Variants in TP63 observed in about 807,000 individuals in gnomAD.
TP63 encodes tumor protein p63, also known as tumor protein 63.
In TP63, 17 loss-of-function variants were observed where a neutral mutation model predicts 82.8. That is an observed-to-expected ratio of 0.21 (90% CI 0.14 to 0.31). TP63 has a LOEUF of 0.31. Ranked by LOEUF, TP63 falls within the 10% of genes least tolerant of loss-of-function variation. The probability of loss-of-function intolerance (pLI) is 1.00; values close to 1 mark genes in which losing one functional copy is unlikely to be tolerated. For missense variants in TP63, 648 were observed against 895.3 expected (o/e 0.72, Z 3.52); for synonymous variants, 330 against 321.7 (o/e 1.03, Z -0.28).
At position 189,676,641 on chromosome 3, in the gene TP63, T is replaced by C. The variant is rs533773067; in HGVS notation, c.62+45064T>C. Among the ~76,000 whole-genome samples the C allele has an allele frequency of 1.6e-4, 24 of 152,092 alleles. No homozygotes were observed. In the East Asian group the frequency reaches 4.6e-3, roughly 29 times the overall value. ...GTACACGTGGTACAGTTGTGTTACA[T>C]GGATACATTGGATAGTAGTGAAGTG... On this transcript the variant is annotated intron_variant, in intron 1 of 13. Transcript: ENST00000264731.
chr3:189,828,633 A>G (rs1405076628), intron 4 of TP63, among the ~76,000 whole-genome samples: 1 of 152,214 alleles, frequency 6.6e-6, no homozygotes, highest in African/African-American at 2.4e-5. Flanking sequence ...GCCTTGCACT[A>G]GAAATGTTTG....
rs571388036 is a variant in TP63 at position 189,757,586 on chromosome 3, A to G, written c.324+18812A>G. 3.3e-5 allele frequency among the ~76,000 whole-genome samples: 5 copies of G among 152,320 alleles called. No homozygotes were observed. In the South Asian group the frequency reaches 1.0e-3, roughly 32 times the overall value. ...GGAAACAGTGAATTATTAATCCTAA[A>G]TAGAGCAATTACTGATGCAGGACAA... On this transcript the variant is annotated intron_variant, in intron 3 of 13. Transcript: ENST00000264731.
At chr3:189,863,172 C>T (rs964395178) in intron 4 of TP63, among the ~76,000 whole-genome samples, 1 of 152,140 alleles carries the variant, frequency 6.6e-6, no homozygotes, top group Non-Finnish European at 1.5e-5. Flanking sequence ...ACGATTGCAA[C>T]CTGTGTGTGT....
At chr3:189,702,738 T>C (rs1450004756) in intron 1 of TP63, among the ~76,000 whole-genome samples, 2 of 152,200 alleles carry the variant, frequency 1.3e-5, no homozygotes, top group African/African-American at 4.8e-5. Context: ...TGAATTTGAG[T>C]TTTACCTCTG....
At chr3:189,837,426 A>G (rs1713315915) in intron 4 of TP63, among the ~76,000 whole-genome samples, 1 of 152,182 alleles carries the variant, frequency 6.6e-6, no homozygotes, top group Non-Finnish European at 1.5e-5. Context: ...GAAATTTCCA[A>G]TTTCAGGTTC....
At chr3:189,805,778 T>C (rs1726819841) in intron 3 of TP63, among the ~76,000 whole-genome samples, 1 of 152,186 alleles carries the variant, frequency 6.6e-6, no homozygotes, top group Non-Finnish European at 1.5e-5. Flanking sequence ...AACAAAACAA[T>C]GGCAGGATTT....
chr3:189,657,857 G>T (rs1240429789), intron 1 of TP63, among the ~76,000 whole-genome samples: 1 of 152,056 alleles, frequency 6.6e-6, no homozygotes, highest in Non-Finnish European at 1.5e-5. Context: ...CCTCGGAGGA[G>T]TGATGTCCCA....
chr3:189,747,347 G>A (rs1207738083), intron 3 of TP63, among the ~76,000 whole-genome samples: 5 of 151,918 alleles, frequency 3.3e-5, no homozygotes, highest in Non-Finnish European at 2.9e-5. Flanking sequence ...CATATATTAG[G>A]ACACAAAATA....
rs1720946792 is a variant in TP63, at chr3:189,890,858, T to C, written c.1722T>C (p.Tyr574=). The stretch of plus-strand genomic sequence containing the variant: ...CGACCCAGGGGCTGACCACCATCTA[T>C]CAGATTGAGCATTACTCCATGGATG... ...YFTTQGLTTI[Y]QIEHYSMDDL... The change falls in exon 13 of 14, where the codon TAT becomes TAC. Residue 574 remains tyrosine, a synonymous_variant. Transcript: ENST00000264731. The C allele has an allele frequency of 6.2e-7, 1 of 1,614,094 alleles. No homozygotes were observed. Among genetic ancestry groups the C allele is most frequent in the African/African-American group, 1.3e-5 (1 of 75,050 alleles).
intron 1 of TP63, among the ~76,000 whole-genome samples, chr3:189,639,741 G>A (rs762490134): frequency 2.0e-5 from 3 of 152,040 alleles, no homozygotes; most frequent in South Asian, 2.1e-4. Context: ...CGAAGCTAGC[G>A]TGATTATTTA....
intron 1 of TP63, among the ~76,000 whole-genome samples, chr3:189,652,826 G>GTTTTCATGAGATCTGAT (rs1305226745): frequency 6.8e-6 from 1 of 146,654 alleles, no homozygotes; most frequent in Non-Finnish European, 1.5e-5. Context: ...GTTTTATAAA[G>GTTTTCATGAGATCTGAT]GGTTTGCCAC....
chr3:189,869,007 A>T (rs1385842588), intron 8 of TP63, among the ~76,000 whole-genome samples: 1 of 146,160 alleles, frequency 6.8e-6, no homozygotes, highest in Non-Finnish European at 1.6e-5. Context: ...ACACACCAGC[A>T]AGATACGGGC....
In TP63 at chr3:189,858,608, C is replaced by T. The variant is rs138534496; in HGVS notation, c.580-5624C>T. On this transcript the variant is annotated intron_variant, in intron 4 of 13. Transcript: ENST00000264731. ...TGGGCAAAATAGTGAGACCCCATCT[C>T]TACAAAAAACATACACCAAAATTAG... Among the ~76,000 whole-genome samples the T allele has an allele frequency of 1.5e-3, 234 of 152,104 alleles. 1 individual carries two copies. Among genetic ancestry groups the T allele is most frequent in the African/African-American group, 3.9e-3 (162 of 41,512 alleles).
At chr3:189,632,493 C>T (rs781369317) in intron 1 of TP63, among the ~76,000 whole-genome samples, 1 of 152,090 alleles carries the variant, frequency 6.6e-6, no homozygotes, top group Non-Finnish European at 1.5e-5. Flanking sequence ...CTTCCTTTAA[C>T]GTGATTTGCT....
chr3:189,779,208 C>T (rs1363263213), intron 3 of TP63, among the ~76,000 whole-genome samples: 1 of 152,190 alleles, frequency 6.6e-6, no homozygotes, highest in Non-Finnish European at 1.5e-5. Context: ...TTTTAAAATG[C>T]ATCACTCCTC....
intron 3 of TP63, among the ~76,000 whole-genome samples, chr3:189,760,377 G>A (rs995510628): frequency 6.6e-6 from 1 of 152,156 alleles, no homozygotes; most frequent in Non-Finnish European, 1.5e-5. Flanking sequence ...GGTAAATGTG[G>A]CCATTCCAAA....
At chr3:189,677,385 T>A (rs936974331) in intron 1 of TP63, among the ~76,000 whole-genome samples, 3 of 116,734 alleles carry the variant, frequency 2.6e-5, no homozygotes, top group Non-Finnish European at 5.1e-5. Context: ...AATAATTATA[T>A]ATAAATATGT....
At chr3:189,804,303 A>T (rs1726643288) in intron 3 of TP63, among the ~76,000 whole-genome samples, 1 of 152,214 alleles carries the variant, frequency 6.6e-6, no homozygotes, top group Non-Finnish European at 1.5e-5. Flanking sequence ...CTGTGATAGA[A>T]AATAAGGGAT....
At chr3:189,761,911 T>C (rs1264473474) in intron 3 of TP63, among the ~76,000 whole-genome samples, 2 of 152,178 alleles carry the variant, frequency 1.3e-5, no homozygotes, top group African/African-American at 4.8e-5. Flanking sequence ...AACCCCCGTT[T>C]TTAAAACCAT....
Sources: gnomAD v4.1 joint callset for allele counts (sites outside exome capture counted in the v4.1 genomes callset) on GRCh38, gnomAD v4.1.1 for gene constraint, MANE v1.5 for transcripts, NCBI Gene and HGNC (gene_info 2026-07-23, HGNC 2026-07-21) for gene names.